Variants in CNTNAP2 observed in about 807,000 individuals in gnomAD.
The protein encoded by CNTNAP2 is contactin associated protein 2.
A neutral mutation model predicts 155.2 loss-of-function variants in CNTNAP2; 98 were observed. The ratio of observed to expected loss-of-function variants is 0.63; its 90% CI spans 0.54 to 0.75. The LOEUF is 0.75. Ranked by LOEUF, CNTNAP2 falls within the 30% of genes least tolerant of loss-of-function variation. The probability of loss-of-function intolerance (pLI) is 0.00; values close to 1 mark genes in which losing one functional copy is unlikely to be tolerated. For synonymous variants in CNTNAP2, 651 were observed against 631.2 expected, an observed-to-expected ratio of 1.03 and a Z score of -0.47; for missense variants, 1,727 against 1,688.1, an observed-to-expected ratio of 1.02 and a Z score of -0.40.
chr7:146,515,239 C>T (rs1797523832), intron 1 of CNTNAP2, among the ~76,000 whole-genome samples: 1 of 152,000 alleles, frequency 6.6e-6, no homozygotes. Context: ...AAAATGCTTC[C>T]CAACACATCT....
At chr7:147,872,663 C>G (rs1391017409) in intron 13 of CNTNAP2, among the ~76,000 whole-genome samples, 9 of 152,152 alleles carry the variant, frequency 5.9e-5, no homozygotes, top group African/African-American at 2.2e-4. Flanking sequence ...AATCTTGATT[C>G]AATTCATTAT....
intron 9 of CNTNAP2, among the ~76,000 whole-genome samples, chr7:147,311,548 G>C (rs913994406): frequency 6.6e-6 from 1 of 152,130 alleles, no homozygotes; most frequent in Non-Finnish European, 1.5e-5. Context: ...ACCCTATTTA[G>C]AGCAGCCAAC....
intron 1 of CNTNAP2, among the ~76,000 whole-genome samples, chr7:146,754,546 CTCTCTCTG>C (rs398048237): frequency 3.0e-5 from 4 of 132,282 alleles, no homozygotes; most frequent in African/African-American, 6.6e-5. Context: ...CTCTCTCTCT[CTCTCTCTG>C]TCTCTCTCTC....
chr7:146,168,707 A>T (rs527572926), intron 1 of CNTNAP2, among the ~76,000 whole-genome samples: 1 of 152,186 alleles, frequency 6.6e-6, no homozygotes, highest in Non-Finnish European at 1.5e-5. Flanking sequence ...CTTTCAATTC[A>T]TTATCATTTC....
At chr7:146,865,460 TGAA>T (rs1374654594) in intron 3 of CNTNAP2, among the ~76,000 whole-genome samples, 3 of 151,998 alleles carry the variant, frequency 2.0e-5, no homozygotes, top group Non-Finnish European at 4.4e-5. Flanking sequence ...AATATATAGA[TGAA>T]GAGTCCAAAA....
At chr7:146,864,771 C>A (rs1188173658) in intron 3 of CNTNAP2, among the ~76,000 whole-genome samples, 1 of 151,876 alleles carries the variant, frequency 6.6e-6, no homozygotes, top group Non-Finnish European at 1.5e-5. Context: ...GGGAAGATCA[C>A]TTGAGACCAG....
At chr7:147,204,419 C>A (rs1802979016) in intron 8 of CNTNAP2, among the ~76,000 whole-genome samples, 1 of 151,906 alleles carries the variant, frequency 6.6e-6, no homozygotes, top group Admixed American at 6.6e-5. Context: ...AAGTACTTAG[C>A]AAATAGATTA....
At chr7:148,101,242 C>A (rs1312515572) in intron 15 of CNTNAP2, among the ~76,000 whole-genome samples, 1 of 151,666 alleles carries the variant, frequency 6.6e-6, no homozygotes, top group Non-Finnish European at 1.5e-5. Flanking sequence ...ATGTAACTAA[C>A]CTGAACATTG....
intron 1 of CNTNAP2, among the ~76,000 whole-genome samples, chr7:146,731,702 AGT>A (rs1174939706): frequency 6.6e-6 from 1 of 152,174 alleles, no homozygotes; most frequent in Non-Finnish European, 1.5e-5. Context: ...CACGGATAGA[AGT>A]GTGTTTTTAA....
At chr7:146,587,876 GT>G (rs956950254) in intron 1 of CNTNAP2, among the ~76,000 whole-genome samples, 18 of 152,104 alleles carry the variant, frequency 1.2e-4, no homozygotes, top group African/African-American at 4.3e-4. Flanking sequence ...GTTTCACCAT[GT>G]TGGCCAGGCT....
intron 13 of CNTNAP2, among the ~76,000 whole-genome samples, chr7:147,714,946 CTTT>C (rs1225058885): frequency 6.6e-6 from 1 of 152,008 alleles, no homozygotes; most frequent in Non-Finnish European, 1.5e-5. Context: ...AGTATGTATT[CTTT>C]TAAGATTTTT....
chr7:146,642,557 A>G (rs1434971552), intron 1 of CNTNAP2, among the ~76,000 whole-genome samples: 4 of 151,406 alleles, frequency 2.6e-5, no homozygotes, highest in South Asian at 2.1e-4. Context: ...CCAGTCTATC[A>G]TTGTTGGACA....
rs540628788 is a variant in CNTNAP2 at position 146,722,553 on chromosome 7, T to A, written c.98-51718T>A. 2.6e-5 allele frequency among the ~76,000 whole-genome samples: 4 copies of A among 152,110 alleles called. No homozygotes were observed. In the East Asian group the frequency reaches 7.8e-4, roughly 29 times the overall value. On this transcript the variant is annotated intron_variant, in intron 1 of 23. Coordinates refer to ENST00000361727, the MANE Select transcript of CNTNAP2 (RefSeq NM_014141.6). ...GAATTTTCATTCTGTGGCTGGTTGG[T>A]GAGATGAGATGAGGCCAATGAAAAC...
At chr7:147,103,016 C>T (rs1355585554) in intron 4 of CNTNAP2, among the ~76,000 whole-genome samples, 1 of 152,144 alleles carries the variant, frequency 6.6e-6, no homozygotes, top group East Asian at 1.9e-4. Flanking sequence ...CAAGATGGGT[C>T]AGCGAGATTC....
At chr7:146,846,134 A>G (rs975736126) in intron 3 of CNTNAP2, among the ~76,000 whole-genome samples, 4 of 152,178 alleles carry the variant, frequency 2.6e-5, no homozygotes, top group Non-Finnish European at 5.9e-5. Context: ...CTGCCCCTAC[A>G]TCTTCCATCG....
rs141960828 is a variant in CNTNAP2 at position 148,176,994 on chromosome 7, A to T, written c.3010+4516A>T. On this transcript the variant is annotated intron_variant, in intron 18 of 23. Coordinates refer to ENST00000361727, the MANE Select transcript of CNTNAP2 (RefSeq NM_014141.6). The stretch of plus-strand genomic sequence containing the variant: ...AACACTCAAGAATTCTATAATTATC[A>T]ATGTCACTTTTATTACTAACCAGAA... 2.5e-4 allele frequency among the ~76,000 whole-genome samples: 38 copies of T among 152,326 alleles called. No individual in the cohort carries two copies. In the East Asian group the frequency reaches 7.3e-3, roughly 29 times the overall value.
chr7:146,435,975 G>A (rs964827255), intron 1 of CNTNAP2, among the ~76,000 whole-genome samples: 6 of 152,068 alleles, frequency 3.9e-5, no homozygotes, highest in African/African-American at 1.2e-4. Flanking sequence ...GCCTAAACTT[G>A]TATATTTACC....
At chr7:147,962,673 A>G (rs1025488065) in intron 14 of CNTNAP2, among the ~76,000 whole-genome samples, 1 of 152,246 alleles carries the variant, frequency 6.6e-6, no homozygotes. Context: ...CTAAGTGAAT[A>G]TTGACAATTT....
intron 9 of CNTNAP2, among the ~76,000 whole-genome samples, chr7:147,394,326 C>T (rs780241352): frequency 6.6e-6 from 1 of 151,934 alleles, no homozygotes; most frequent in Non-Finnish European, 1.5e-5. Flanking sequence ...CCAGTCTTGG[C>T]ATGTCTTTTT....
Sources: gnomAD v4.1 joint callset for allele counts (sites outside exome capture counted in the v4.1 genomes callset) on GRCh38, gnomAD v4.1.1 for gene constraint, MANE v1.5 for transcripts, NCBI Gene and HGNC (gene_info 2026-07-23, HGNC 2026-07-21) for gene names.